The following NUP210L variants were observed in gnomAD, a reference collection of about 807,000 sequenced individuals.
The protein encoded by NUP210L is nuclear pore membrane glycoprotein 210-like.
Under a neutral mutation model 208.5 loss-of-function variants are expected in NUP210L, and 74 were observed. That is an observed-to-expected ratio of 0.35 (90% CI 0.29 to 0.43). The LOEUF (loss-of-function observed/expected upper bound fraction) is 0.43. NUP210L is among the 20% of genes least tolerant of loss of function. The pLI, the probability that NUP210L is intolerant of heterozygous loss-of-function variation, is 1.00. For missense variants in NUP210L, 1,843 were observed against 2,289.4 expected, an observed-to-expected ratio of 0.81 and a Z score of 3.98; for synonymous variants, 780 against 816.9, an observed-to-expected ratio of 0.95 and a Z score of 0.77.
At chr1:154,073,858 A>T (rs190527265) in intron 16 of NUP210L, among the ~76,000 whole-genome samples, 44 of 140,564 alleles carry the variant, frequency 3.1e-4, no homozygotes, top group Non-Finnish European at 3.9e-4. Flanking sequence ...ATAAATAAAT[A>T]AATTCAATGG....
At chr1:154,028,225 C>T (rs1652008763) in intron 28 of NUP210L, among the ~76,000 whole-genome samples, 1 of 152,158 alleles carries the variant, frequency 6.6e-6, no homozygotes, top group African/African-American at 2.4e-5. Context: ...TCTGTAGAAA[C>T]TATTCATACT....
intron 6 of NUP210L, among the ~76,000 whole-genome samples, chr1:154,137,327 T>C (rs1658599490): frequency 6.6e-6 from 1 of 151,848 alleles, no homozygotes; most frequent in Non-Finnish European, 1.5e-5. Context: ...CTGAGGCAGA[T>C]GGATCATGAG....
At chr1:154,099,868 A>C in intron 14 of NUP210L, 130 bp downstream of exon 14, 1 of 915,488 alleles carries the variant, frequency 1.1e-6, no homozygotes, top group South Asian at 1.7e-5. Flanking sequence ...AAAAACAAAA[A>C]AGTGGCAAGT....
intron 17 of NUP210L, among the ~76,000 whole-genome samples, chr1:154,062,997 C>T (rs1460086816): frequency 1.3e-5 from 2 of 152,142 alleles, no homozygotes; most frequent in Non-Finnish European, 2.9e-5. Flanking sequence ...TGTGATGCCA[C>T]ATTCATTCAA....
chr1:154,054,689 G>T, intron 24 of NUP210L, 81 bp downstream of exon 24: 1 of 1,026,052 alleles, frequency 9.7e-7, no homozygotes, highest in East Asian at 2.5e-5. Flanking sequence ...GAGATCAATA[G>T]GAAGAGAGGT....
At chr1:154,122,021 A>G (rs566154084) in intron 10 of NUP210L, among the ~76,000 whole-genome samples, 7 of 152,344 alleles carry the variant, frequency 4.6e-5, no homozygotes, top group Admixed American at 2.0e-4. Flanking sequence ...GAAAAACTCA[A>G]TAACATTTAT....
intron 2 of NUP210L, among the ~76,000 whole-genome samples, chr1:154,150,727 C>CAAA (rs1156928758): frequency 1.3e-4 from 5 of 39,610 alleles, no homozygotes; most frequent in African/African-American, 1.8e-4. Context: ...GACTCCATCT[C>CAAA]AAAAAAAAAA....
At chr1:154,041,245 G>T (rs983033686) in intron 27 of NUP210L, among the ~76,000 whole-genome samples, 1 of 152,150 alleles carries the variant, frequency 6.6e-6, no homozygotes, top group South Asian at 2.1e-4. Flanking sequence ...GGTAACAGGC[G>T]TGAGCCACCG....
chr1:154,069,356 AATCAAACAAC>A (rs1654583936), intron 17 of NUP210L, among the ~76,000 whole-genome samples: 1 of 152,246 alleles, frequency 6.6e-6, no homozygotes, highest in Non-Finnish European at 1.5e-5. Flanking sequence ...ACAAGAAAAA[AATCAAACAAC>A]CCCATCAAAA....
Position 154,120,385 on chromosome 1 carries a change from C to A in NUP210L, c.1327-1577G>T, listed in dbSNP as rs931312528. ...AGCAAACTATCACAAGGACAAAAAA[C>A]CAAACACCGTATGCTCTCACTCATA... On this transcript the variant is annotated intron_variant, in intron 10 of 39. Coordinates refer to ENST00000368559, the Ensembl canonical transcript of NUP210L. Among the ~76,000 whole-genome samples the A allele has an allele frequency of 2.3e-4, 35 of 151,928 alleles. 1 individual carries two copies. Among genetic ancestry groups the A allele is most frequent in the Non-Finnish European group, 1.2e-4 (8 of 67,978 alleles).
chr1:153,996,159 GCA>G (rs1197214823), intron 37 of NUP210L, among the ~76,000 whole-genome samples: 3 of 152,024 alleles, frequency 2.0e-5, no homozygotes, highest in Non-Finnish European at 4.4e-5. Flanking sequence ...GGGTGTGGTG[GCA>G]TGCACCTGTA....
intron 2 of NUP210L, among the ~76,000 whole-genome samples, chr1:154,144,298 A>G (rs765820365): frequency 6.6e-6 from 1 of 152,238 alleles, no homozygotes; most frequent in African/African-American, 2.4e-5. Flanking sequence ...ATTTTCTTTT[A>G]TGAAATAATG....
chr1:154,027,092 A>C (rs1314616273), intron 29 of NUP210L, among the ~76,000 whole-genome samples: 4 of 143,548 alleles, frequency 2.8e-5, no homozygotes, highest in South Asian at 2.2e-4. Flanking sequence ...AAAAAAAAAA[A>C]AAAACAAAAA....
At chr1:154,026,496 G>GCC (rs1651884081) in intron 29 of NUP210L, among the ~76,000 whole-genome samples, 1 of 151,932 alleles carries the variant, frequency 6.6e-6, no homozygotes, top group Non-Finnish European at 1.5e-5. Flanking sequence ...TTACAGGCAT[G>GCC]TGCAACCACC....
At chr1:154,141,215 T>G (rs1658839561) in intron 4 of NUP210L, among the ~76,000 whole-genome samples, 1 of 152,136 alleles carries the variant, frequency 6.6e-6, no homozygotes, top group South Asian at 2.1e-4. Context: ...GCCCATGAAC[T>G]CCTCCATAAT....
chr1:154,081,482 G>C (rs1323495149), intron 16 of NUP210L, among the ~76,000 whole-genome samples: 4 of 152,124 alleles, frequency 2.6e-5, no homozygotes, highest in African/African-American at 7.2e-5. Flanking sequence ...TAACATTTGA[G>C]TTTATGCTAA....
Position 154,058,695 on chromosome 1 carries a change from TG to T in NUP210L, c.2851-3del. 1 of 1,612,726 alleles carries T rather than the reference TG, an allele frequency of 6.2e-7. No individual in the cohort carries two copies. The highest frequency in any genetic ancestry group is 1.1e-5 in the South Asian group (1 of 90,820). On this transcript the variant is annotated splice_polypyrimidine_tract_variant and splice_region_variant and intron_variant, in intron 20 of 39. Coordinates refer to ENST00000368559, the Ensembl canonical transcript of NUP210L. ...AAATCCAGGATGTAATGGAACTAAC[TG>T]GAAGTAAGAAGATGGTAGCTGGATA...
exon 35 of NUP210L, chr1:154,009,984 T>C: frequency 6.2e-7 from 1 of 1,610,410 alleles, no homozygotes; most frequent in Non-Finnish European, 8.5e-7. Context: ...TTCTCCATAC[T>C]GAAATCTGAA....
At chr1:154,057,064 A>C in intron 22 of NUP210L, 117 bp from the exon 23 acceptor site, 1 of 923,376 alleles carries the variant, frequency 1.1e-6, no homozygotes, top group Non-Finnish European at 1.6e-6. Flanking sequence ...TTGCAGCCTC[A>C]ACCTCCCAGA....
Sources: allele counts gnomAD v4.1 joint callset (sites outside exome capture counted in the v4.1 genomes callset), GRCh38; gene constraint gnomAD v4.1.1; transcripts MANE v1.5; gene names NCBI Gene and HGNC (gene_info 2026-07-23, HGNC 2026-07-21).